SRPK2: variants seen among roughly 807,000 people sequenced by gnomAD.
The protein encoded by SRPK2 is SFRS protein kinase 2.
Under a neutral mutation model 90.8 loss-of-function variants are expected in SRPK2, and 21 were observed. The observed-to-expected ratio is 0.23, with a 90% CI of 0.16 to 0.33. SRPK2 has a LOEUF of 0.33. Ranked by LOEUF, SRPK2 falls within the 10% of genes least tolerant of loss-of-function variation. The probability of loss-of-function intolerance (pLI) is 1.00; values close to 1 mark genes in which losing one functional copy is unlikely to be tolerated. For synonymous variants in SRPK2, 288 were observed against 311.1 expected, an observed-to-expected ratio of 0.93 and a Z score of 0.78; for missense variants, 620 against 869.0, an observed-to-expected ratio of 0.71 and a Z score of 3.60.
intron 2 of SRPK2, among the ~76,000 whole-genome samples, chr7:105,314,896 A>G (rs1162259642): frequency 6.6e-6 from 1 of 152,272 alleles, no homozygotes; most frequent in Admixed American, 6.5e-5. Flanking sequence ...ATGTAGGAGA[A>G]CAGGAAATAT....
intron 3 of SRPK2, among the ~76,000 whole-genome samples, chr7:105,179,107 G>C (rs1792394355): frequency 6.6e-6 from 1 of 152,140 alleles, no homozygotes; most frequent in African/African-American, 2.4e-5. Context: ...CGTTGATTGA[G>C]CAACCCTGAA....
rs572686995 is a variant in SRPK2, at chr7:105,349,522, CA to C, written c.71+39125del. Among the ~76,000 whole-genome samples the C allele has an allele frequency of 9.8e-3, 875 of 88,878 alleles. 7 individuals carry two copies. Among genetic ancestry groups the C allele is most frequent in the African/African-American group, 0.026 (618 of 24,034 alleles). The allele number at this position is 88,878 out of a possible 152,430, so 58.3% of individuals were successfully genotyped here. A position where few individuals can be genotyped will look rare whatever the true frequency, so the allele number is the denominator to read the frequency against. ...GGGCAACAAGAGTGAAACTCCATCTCAAAAAAAAAAAAAAAAGAATTAGGAA... is the reference window on the plus strand; with the variant it reads ...GGGCAACAAGAGTGAAACTCCATCTCAAAAAAAAAAAAAAAGAATTAGGAA... On this transcript the variant is annotated intron_variant, in intron 2 of 15. Coordinates refer to ENST00000393651, the MANE Select transcript of SRPK2 (RefSeq NM_182692.3).
intron 2 of SRPK2, among the ~76,000 whole-genome samples, chr7:105,271,725 T>C (rs1805858738): frequency 6.6e-6 from 1 of 152,206 alleles, no homozygotes; most frequent in Admixed American, 6.5e-5. Context: ...TCTTGAGCCA[T>C]CCGTTCCCTT....
At chr7:105,298,643 A>T (rs554421359) in intron 2 of SRPK2, 17 of 831,572 alleles carry the variant, frequency 2.0e-5, no homozygotes, top group Non-Finnish European at 2.5e-5. Flanking sequence ...AAAAGTATCA[A>T]ATAAAAAGGC....
intron 2 of SRPK2, among the ~76,000 whole-genome samples, chr7:105,215,876 G>T (rs1003907123): frequency 6.6e-6 from 1 of 151,826 alleles, no homozygotes; most frequent in Non-Finnish European, 1.5e-5. Context: ...GAAGTTTTTT[G>T]GGGGGGTGAT....
intron 2 of SRPK2, among the ~76,000 whole-genome samples, chr7:105,216,788 G>T (rs1176173302): frequency 1.3e-5 from 2 of 152,164 alleles, no homozygotes; most frequent in African/African-American, 4.8e-5. Context: ...CAAATGTACA[G>T]CTTTCTGGTA....
intron 2 of SRPK2, chr7:105,244,718 G>T: frequency 8.6e-7 from 1 of 1,161,794 alleles, no homozygotes; most frequent in Non-Finnish European, 1.3e-6. Flanking sequence ...GAACGTGAGC[G>T]AGCCCAGGCA....
At chr7:105,210,470 G>T (rs1353773879) in intron 2 of SRPK2, among the ~76,000 whole-genome samples, 1 of 152,132 alleles carries the variant, frequency 6.6e-6, no homozygotes, top group African/African-American at 2.4e-5. Context: ...AATATAGGTT[G>T]AGTATCCCTC....
intron 2 of SRPK2, among the ~76,000 whole-genome samples, chr7:105,216,198 G>A (rs1015276479): frequency 1.3e-5 from 2 of 152,004 alleles, no homozygotes; most frequent in Non-Finnish European, 2.9e-5. Flanking sequence ...TAATAAAGTT[G>A]TTATGCAAAA....
At chr7:105,254,081 C>T (rs575547226) in intron 2 of SRPK2, among the ~76,000 whole-genome samples, 8 of 152,278 alleles carry the variant, frequency 5.3e-5, no homozygotes, top group African/African-American at 7.2e-5. Context: ...ACATCAATGG[C>T]TCATTTAGCT....
intron 3 of SRPK2, among the ~76,000 whole-genome samples, chr7:105,170,139 G>A (rs527432553): frequency 9.2e-5 from 14 of 152,250 alleles, no homozygotes; most frequent in Non-Finnish European, 1.9e-4. Context: ...CAATCTAGGT[G>A]TGTACGTTAT....
At chr7:105,366,259 T>C (rs1379851529) in intron 2 of SRPK2, among the ~76,000 whole-genome samples, 1 of 152,140 alleles carries the variant, frequency 6.6e-6, no homozygotes, top group East Asian at 1.9e-4. Context: ...TCAAACCATC[T>C]TTTGCTGGAA....
chr7:105,365,600 C>T (rs187421881), intron 2 of SRPK2, among the ~76,000 whole-genome samples: 4 of 149,994 alleles, frequency 2.7e-5, no homozygotes, highest in Admixed American at 6.7e-5. Context: ...GAATCGAAGA[C>T]GAGCCTGGGC....
At chr7:105,127,498 C>T (rs1320184680) in intron 13 of SRPK2, among the ~76,000 whole-genome samples, 7 of 152,256 alleles carry the variant, frequency 4.6e-5, no homozygotes, top group African/African-American at 1.4e-4. Context: ...CGAAGACCTT[C>T]ATGTTTTAGT....
At chr7:105,236,321 A>G (rs1024610432) in intron 2 of SRPK2, among the ~76,000 whole-genome samples, 6 of 152,316 alleles carry the variant, frequency 3.9e-5, no homozygotes, top group African/African-American at 4.8e-5. Context: ...TTCACATAAC[A>G]TATTTCATTT....
chr7:105,330,596 G>A (rs193155857), intron 2 of SRPK2, among the ~76,000 whole-genome samples: 5 of 152,192 alleles, frequency 3.3e-5, no homozygotes, highest in Admixed American at 1.3e-4. Flanking sequence ...TAATGAATTC[G>A]ATAATTTGTT....
At chr7:105,378,078 C>T (rs1820517702) in intron 2 of SRPK2, among the ~76,000 whole-genome samples, 1 of 152,124 alleles carries the variant, frequency 6.6e-6, no homozygotes, top group South Asian at 2.1e-4. Context: ...GCTTACCACA[C>T]CCTGCACTCC....
At chr7:105,126,181 T>C in intron 15 of SRPK2, 67 bp downstream of exon 15, 1 of 1,296,330 alleles carries the variant, frequency 7.7e-7, no homozygotes. Context: ...CCATTAATGC[T>C]AAAATCAGCA....
chr7:105,345,904 A>C (rs1246210367), intron 2 of SRPK2, among the ~76,000 whole-genome samples: 1 of 152,266 alleles, frequency 6.6e-6, no homozygotes, highest in Non-Finnish European at 1.5e-5. Context: ...GCTTTCAGCT[A>C]TGATACTGGA....
Sources: allele counts gnomAD v4.1 joint callset (sites outside exome capture counted in the v4.1 genomes callset), GRCh38; gene constraint gnomAD v4.1.1; transcripts MANE v1.5; gene names NCBI Gene and HGNC (gene_info 2026-07-23, HGNC 2026-07-21).